The following PCDH15 variants were observed in gnomAD, a reference collection of about 807,000 sequenced individuals.
PCDH15 encodes protocadherin related 15.
PCDH15 carries 129 observed loss-of-function variants against 178.5 expected under a neutral mutation model. The ratio of observed to expected loss-of-function variants is 0.72; its 90% CI spans 0.63 to 0.84. PCDH15 has a LOEUF of 0.84. Among genes scored for constraint, PCDH15 ranks in the 40% least tolerant of loss-of-function variants. PCDH15 has a pLI of 0.00. For synonymous variants in PCDH15, 800 were observed against 732.0 expected, an observed-to-expected ratio of 1.09 and a Z score of -1.50; for missense variants, 2,230 against 2,099.9, an observed-to-expected ratio of 1.06 and a Z score of -1.21.
chr10:54,395,007 C>A (rs1371167593), intron 3 of PCDH15, among the ~76,000 whole-genome samples: 2 of 152,028 alleles, frequency 1.3e-5, no homozygotes, highest in Non-Finnish European at 2.9e-5. Flanking sequence ...GTTCTTTTTT[C>A]GAGGTGCCCA....
chr10:54,536,269 G>A (rs995613588), intron 2 of PCDH15, among the ~76,000 whole-genome samples: 1 of 152,148 alleles, frequency 6.6e-6, no homozygotes, highest in Non-Finnish European at 1.5e-5. Flanking sequence ...TTGTTTTAGA[G>A]TAGTGTCTGG....
intron 2 of PCDH15, among the ~76,000 whole-genome samples, chr10:54,577,870 A>C: frequency 6.6e-6 from 1 of 150,828 alleles, no homozygotes; most frequent in Middle Eastern, 3.4e-3. Flanking sequence ...AAATAAATAA[A>C]TAAATAAATA....
intron 36 of PCDH15, among the ~76,000 whole-genome samples, chr10:53,811,114 T>G (rs1329822446): frequency 6.6e-6 from 1 of 152,314 alleles, no homozygotes. Context: ...GTGGTTAATT[T>G]ATATGTGTAC....
At chr10:54,220,483 G>A (rs1324178437) in intron 9 of PCDH15, among the ~76,000 whole-genome samples, 1 of 152,092 alleles carries the variant, frequency 6.6e-6, no homozygotes, top group Non-Finnish European at 1.5e-5. Flanking sequence ...TGGCTTCATC[G>A]GCCATCTGTT....
At chr10:55,217,447 T>C (rs1198405892) in intron 1 of PCDH15, among the ~76,000 whole-genome samples, 1 of 151,928 alleles carries the variant, frequency 6.6e-6, no homozygotes, top group African/African-American at 2.4e-5. Flanking sequence ...GTTTATATTT[T>C]CTATTTTTTA....
chr10:55,340,157 C>CAT (rs150441385), intron 2 of PCDH15, among the ~76,000 whole-genome samples: 1,879 of 150,990 alleles, frequency 0.012, 31 homozygotes, highest in African/African-American at 0.043. Context: ...GACACACATA[C>CAT]ATATATATAG....
chr10:54,664,446 C>T (rs113100345), intron 1 of PCDH15, among the ~76,000 whole-genome samples, 156 bp from the exon 2 acceptor site: 1 of 152,114 alleles, frequency 6.6e-6, no homozygotes, highest in African/African-American at 2.4e-5. Context: ...GTTTAATGCA[C>T]TGGAACTGTT....
chr10:55,394,978 T>G (rs987077582), intron 2 of PCDH15, among the ~76,000 whole-genome samples: 1 of 152,062 alleles, frequency 6.6e-6, no homozygotes, highest in Non-Finnish European at 1.5e-5. Context: ...TTTCTTAACT[T>G]GGGCAACGTG....
intron 3 of PCDH15, among the ~76,000 whole-genome samples, chr10:54,859,894 A>G (rs187287397): frequency 1.4e-4 from 22 of 151,976 alleles, no homozygotes; most frequent in Non-Finnish European, 2.9e-4. Context: ...TCTGTTCCAA[A>G]TAATGTAATT....
At chr10:54,918,701 A>C (rs570626932) in intron 2 of PCDH15, among the ~76,000 whole-genome samples, 1 of 152,244 alleles carries the variant, frequency 6.6e-6, no homozygotes, top group African/African-American at 2.4e-5. Flanking sequence ...ACTCTTTTTT[A>C]ATAAAAAGTC....
At chr10:55,452,441 T>C (rs1839456708) in intron 2 of PCDH15, among the ~76,000 whole-genome samples, 1 of 152,174 alleles carries the variant, frequency 6.6e-6, no homozygotes, top group African/African-American at 2.4e-5. Flanking sequence ...GAAGGTTTGC[T>C]GTATAATGCT....
At chr10:55,585,938 A>G (rs181297934) in intron 2 of PCDH15, among the ~76,000 whole-genome samples, 86 of 152,210 alleles carry the variant, frequency 5.7e-4, no homozygotes, top group African/African-American at 1.8e-3. Flanking sequence ...TGGGGTCTCT[A>G]TATAGGATGA....
intron 11 of PCDH15, among the ~76,000 whole-genome samples, chr10:54,187,187 T>C (rs1447334553): frequency 6.6e-6 from 1 of 151,934 alleles, no homozygotes; most frequent in East Asian, 1.9e-4. Context: ...TTACCAAATA[T>C]TTACTTTGTT....
intron 2 of PCDH15, among the ~76,000 whole-genome samples, chr10:54,967,422 C>T (rs1838821388): frequency 6.6e-6 from 1 of 152,084 alleles, no homozygotes; most frequent in Non-Finnish European, 1.5e-5. Flanking sequence ...TTTGTAATTC[C>T]TCTTTCCCTT....
chr10:54,144,320 T>C (rs1299526898), intron 14 of PCDH15, among the ~76,000 whole-genome samples: 1 of 152,060 alleles, frequency 6.6e-6, no homozygotes, highest in African/African-American at 2.4e-5. Flanking sequence ...TCGATAAACA[T>C]AGAAATTGAC....
At chr10:54,113,699 A>T (rs1394834046) in intron 15 of PCDH15, among the ~76,000 whole-genome samples, 1 of 150,214 alleles carries the variant, frequency 6.7e-6, no homozygotes, top group Non-Finnish European at 1.5e-5. Flanking sequence ...CATTATTTGT[A>T]AAGACAACTG....
intron 5 of PCDH15, among the ~76,000 whole-genome samples, chr10:54,359,694 C>G (rs1421380708): frequency 6.6e-6 from 1 of 151,746 alleles, no homozygotes; most frequent in Non-Finnish European, 1.5e-5. Context: ...ACAGAGTAAA[C>G]AGAGAGGAAG....
chr10:54,221,004 G>A (rs750856247), intron 9 of PCDH15, among the ~76,000 whole-genome samples: 4 of 151,700 alleles, frequency 2.6e-5, no homozygotes, highest in Non-Finnish European at 4.4e-5. Context: ...TATACACAAT[G>A]TTTACAGTCA....
rs1056834071 is a variant in PCDH15, at chr10:55,547,930, A to T, written c.-156+79695T>A. Among the ~76,000 whole-genome samples, 20 of 148,546 alleles carry T rather than the reference A, an allele frequency of 1.3e-4. 1 individual carries two copies. Among genetic ancestry groups the T allele is most frequent in the African/African-American group, 4.7e-4 (19 of 40,304 alleles). ...GTGTGTGAGAGAGAGAGAGAGAGAGAGAGAGAGAGAGAGAGAGAGAGACAG... is the reference window on the plus strand; with the variant it reads ...GTGTGTGAGAGAGAGAGAGAGAGAGTGAGAGAGAGAGAGAGAGAGAGACAG... On this transcript the variant is annotated intron_variant, in intron 2 of 5. Coordinates refer to the PCDH15 transcript ENST00000613346.
Sources: gnomAD v4.1 joint callset for allele counts (sites outside exome capture counted in the v4.1 genomes callset) on GRCh38, gnomAD v4.1.1 for gene constraint, MANE v1.5 for transcripts, NCBI Gene and HGNC (gene_info 2026-07-23, HGNC 2026-07-21) for gene names.